Variants in VGLL3 observed in about 807,000 individuals in gnomAD.
VGLL3 encodes transcription cofactor vestigial-like protein 3.
VGLL3 carries 18 observed loss-of-function variants against 29.2 expected under a neutral mutation model. That is an observed-to-expected ratio of 0.62 (90% CI 0.43 to 0.91). The LOEUF (loss-of-function observed/expected upper bound fraction) is 0.91. Ranked by LOEUF, VGLL3 falls within the 40% of genes least tolerant of loss-of-function variation. The probability of loss-of-function intolerance (pLI) is 0.00; values close to 1 mark genes in which losing one functional copy is unlikely to be tolerated. For synonymous variants in VGLL3, 180 were observed against 151.8 expected (o/e 1.19, Z -1.36); for missense variants, 440 against 413.2 (o/e 1.06, Z -0.56).
chr3:86,977,995 A>T (rs1705244484), intron 2 of VGLL3, among the ~76,000 whole-genome samples: 1 of 152,234 alleles, frequency 6.6e-6, no homozygotes, highest in Non-Finnish European at 1.5e-5. Flanking sequence ...CACTAGTTTA[A>T]GCCATGTGGA....
chr3:86,968,920 C>T lies in VGLL3; in HGVS notation c.607G>A (p.Val203Met). Reference protein sequence around the residue: ...HQTGPAPPPAVSESWPYPLTS... With the variant: ...HQTGPAPPPAMSESWPYPLTS... ...AAAGGATAAGGCCAGGACTCAGACA[C>T]AGCAGGGGGAGGGGCTGGGCCAGTC... Residue 203 changes from valine to methionine, a missense_variant, in exon 3 of 4, where the codon GTG becomes ATG. Transcript: ENST00000398399. 1 of 1,614,132 alleles carries T rather than the reference C, an allele frequency of 6.2e-7. No individual in the cohort carries two copies. The highest frequency in any genetic ancestry group is 8.5e-7 in the Non-Finnish European group (1 of 1,180,038).
chr3:86,949,406 GATGGAACATAA>G (rs1704568714), intron 3 of VGLL3, among the ~76,000 whole-genome samples: 1 of 152,054 alleles, frequency 6.6e-6, no homozygotes. Flanking sequence ...TCTTCTTGGT[GATGGAACATAA>G]AAAATTTTGC....
rs935322830 is a variant in VGLL3, at chr3:86,946,581, A to G, written c.*443T>C. ...AATTTTAAAAAAAATACATCCCTCAAAAATAGCCCATCAATGCTAAACCAA... is the reference window on the plus strand; with the variant it reads ...AATTTTAAAAAAAATACATCCCTCAGAAATAGCCCATCAATGCTAAACCAA... On this transcript the variant is annotated 3_prime_UTR_variant, in exon 4 of 4. Transcript: ENST00000398399. The G allele has an allele frequency of 1.3e-5, 2 of 153,038 alleles. No individual in the cohort carries two copies. The highest frequency in any genetic ancestry group is 4.8e-5 in the African/African-American group (2 of 41,476). 9.5% of individuals were successfully genotyped at this position (153,038 alleles called of 1,614,324 possible).
chr3:86,969,094 T>C lies in VGLL3; in HGVS notation c.433A>G (p.Ser145Gly), dbSNP rs761919270. 4.4e-6 allele frequency: 7 copies of C among 1,606,034 alleles called. No individual in the cohort carries two copies. In the South Asian group the frequency reaches 7.7e-5, roughly 18 times the overall value. Reference protein sequence around the residue: ...DSSALSSQRNSFPTSFWTSSY... With the variant: ...DSSALSSQRNGFPTSFWTSSY... ...CTGGTCCAAAAGGAAGTTGGGAAAC[T>C]ATTCCGCTGGCTTGAGAGAGCTGAG... is the stretch of plus-strand genomic sequence containing the variant. The change falls in exon 3 of 4, where the codon AGT becomes GGT. Residue 145 changes from serine (S) to glycine (G), a missense_variant. Transcript: ENST00000398399.
chr3:86,968,496 T>C (rs1705010438), intron 3 of VGLL3, 94 bp downstream of exon 3: 1 of 1,399,804 alleles, frequency 7.1e-7, no homozygotes, highest in African/African-American at 1.4e-5. Context: ...AAGTTTAACT[T>C]TACAGATAAG....
At chr3:86,958,255 A>G (rs1007006809) in intron 3 of VGLL3, among the ~76,000 whole-genome samples, 6 of 152,160 alleles carry the variant, frequency 3.9e-5, no homozygotes, top group Non-Finnish European at 7.4e-5. Flanking sequence ...GTAGACTCAT[A>G]GGAGTAAGAA....
In VGLL3 at chr3:86,940,829, CA is replaced by C. The variant is rs1180557963; in HGVS notation, c.*6194del. ...TAATTTTATAATTATCTTATAAAGC[CA>C]AAAGTTTTATGAATTATACTTTTTT... On this transcript the variant is annotated 3_prime_UTR_variant, in exon 4 of 4. Transcript: ENST00000398399. 5.9e-5 allele frequency: 9 copies of C among 151,808 alleles called. No individual in the cohort carries two copies. The highest frequency in any genetic ancestry group is 1.3e-4 in the Non-Finnish European group (9 of 67,814). 9.4% of individuals were successfully genotyped at this position (151,808 alleles called of 1,614,324 possible). A position where few individuals can be genotyped will look rare whatever the true frequency, so the allele number is the denominator to read the frequency against.
intron 1 of VGLL3, among the ~76,000 whole-genome samples, chr3:86,984,434 A>G (rs1488928873): frequency 6.6e-6 from 1 of 152,192 alleles, no homozygotes; most frequent in Non-Finnish European, 1.5e-5. Flanking sequence ...AACCCCTCCA[A>G]GGAAGAAAAA....
intron 3 of VGLL3, among the ~76,000 whole-genome samples, chr3:86,950,921 T>C (rs900641937): frequency 3.2e-4 from 48 of 152,182 alleles, no homozygotes; most frequent in African/African-American, 1.1e-3. Context: ...AATTGTTTAC[T>C]CCAGAGTTTG....
rs900964451 is a variant in VGLL3, at chr3:86,945,171, T to A, written c.*1853A>T. On this transcript the variant is annotated 3_prime_UTR_variant, in exon 4 of 4. Transcript: ENST00000398399. Reference sequence around the variant, plus strand: ...AATGTGCATATTGTGTAAAAGAGAGTCTAGGTAAGAAACAGCAAAGTGCGG... The same window carrying A: ...AATGTGCATATTGTGTAAAAGAGAGACTAGGTAAGAAACAGCAAAGTGCGG... 1.3e-5 allele frequency: 2 copies of A among 151,814 alleles called. No homozygotes were observed. The highest frequency in any genetic ancestry group is 2.9e-5 in the Non-Finnish European group (2 of 67,962). The allele number at this position is 151,814 out of a possible 1,614,324, so 9.4% of individuals were successfully genotyped here.
intron 1 of VGLL3, among the ~76,000 whole-genome samples, chr3:86,988,005 G>A (rs1048275403): frequency 1.3e-5 from 2 of 152,110 alleles, no homozygotes; most frequent in African/African-American, 4.8e-5. Context: ...ATGATCATTT[G>A]TTAAGAGGAA....
intron 3 of VGLL3, among the ~76,000 whole-genome samples, chr3:86,949,408 T>C (rs1460094065): frequency 6.6e-6 from 1 of 152,158 alleles, no homozygotes; most frequent in Non-Finnish European, 1.5e-5. Flanking sequence ...TTCTTGGTGA[T>C]GGAACATAAA....
intron 3 of VGLL3, among the ~76,000 whole-genome samples, chr3:86,963,486 T>C (rs1704899581): frequency 6.6e-6 from 1 of 152,200 alleles, no homozygotes; most frequent in African/African-American, 2.4e-5. Flanking sequence ...GTTACAGTGA[T>C]GGAATGTTCT....
In VGLL3 at chr3:86,990,790, G is replaced by A; in HGVS notation, c.-47C>T. 3.2e-6 allele frequency: 4 copies of A among 1,256,868 alleles called. No homozygotes were observed. The highest frequency in any genetic ancestry group is 4.0e-6 in the Non-Finnish European group (4 of 996,244). 77.9% of individuals were successfully genotyped at this position (1,256,868 alleles called of 1,614,324 possible). ...CCCCGAGCTGCCGCCGCCGCTCTACGCGCTGGCGCGAGGGGCGCGGGCGCC... is the reference window on the plus strand; with the variant it reads ...CCCCGAGCTGCCGCCGCCGCTCTACACGCTGGCGCGAGGGGCGCGGGCGCC... On this transcript the variant is annotated 5_prime_UTR_variant, in exon 1 of 4. Coordinates refer to ENST00000398399, the MANE Select transcript of VGLL3 (RefSeq NM_016206.4).
At chr3:86,955,127 A>T (rs1216101697) in intron 3 of VGLL3, among the ~76,000 whole-genome samples, 2 of 152,168 alleles carry the variant, frequency 1.3e-5, no homozygotes, top group African/African-American at 4.8e-5. Flanking sequence ...AAAAAAAGTA[A>T]TTAAGGACAT....
chr3:86,977,734 C>G (rs1209163017), intron 2 of VGLL3, among the ~76,000 whole-genome samples: 1 of 152,174 alleles, frequency 6.6e-6, no homozygotes, highest in Non-Finnish European at 1.5e-5. Context: ...AATCACACCT[C>G]GAGAACCATT....
intron 2 of VGLL3, among the ~76,000 whole-genome samples, chr3:86,975,390 T>C (rs1021595356): frequency 6.6e-6 from 1 of 152,200 alleles, no homozygotes; most frequent in East Asian, 1.9e-4. Flanking sequence ...ATCTGTCTAA[T>C]TCACAACTTA....
In VGLL3 at chr3:86,968,918, C is replaced by T; in HGVS notation, c.609G>A (p.Val203=). The change falls in exon 3 of 4, where the codon GTG becomes GTA. Residue 203 remains valine (V), a synonymous_variant. Transcript: ENST00000398399. ...HQTGPAPPPA[V]SESWPYPLTS... is the part of the protein sequence containing the mutation. ...TCAAAGGATAAGGCCAGGACTCAGA[C>T]ACAGCAGGGGGAGGGGCTGGGCCAG... 1.2e-6 allele frequency: 2 copies of T among 1,614,114 alleles called. No homozygotes were observed. The highest frequency in any genetic ancestry group is 2.7e-5 in the African/African-American group (2 of 75,018).
chr3:86,955,910 C>T (rs1487378689), intron 3 of VGLL3, among the ~76,000 whole-genome samples: 1 of 152,008 alleles, frequency 6.6e-6, no homozygotes, highest in African/African-American at 2.4e-5. Context: ...AGACTGTAAC[C>T]CAAAAATAAA....
Sources: allele counts gnomAD v4.1 joint callset (sites outside exome capture counted in the v4.1 genomes callset), GRCh38; gene constraint gnomAD v4.1.1; transcripts MANE v1.5; gene names NCBI Gene and HGNC (gene_info 2026-07-23, HGNC 2026-07-21).